CNTNAP2: variants seen among roughly 807,000 people sequenced by gnomAD.
CNTNAP2 encodes the protein contactin associated protein 2.
CNTNAP2 carries 98 observed loss-of-function variants against 155.2 expected under a neutral mutation model. The observed-to-expected ratio is 0.63, with a 90% confidence interval of 0.54 to 0.75. CNTNAP2 has a LOEUF of 0.75. Among genes scored for constraint, CNTNAP2 ranks in the 30% least tolerant of loss-of-function variants. CNTNAP2 has a pLI of 0.00. For synonymous variants in CNTNAP2, 651 were observed against 631.2 expected (o/e 1.03, Z -0.47); for missense variants, 1,727 against 1,688.1 (o/e 1.02, Z -0.40).
intron 1 of CNTNAP2, among the ~76,000 whole-genome samples, chr7:146,640,511 C>A (rs1011599934): frequency 5.3e-5 from 8 of 152,146 alleles, no homozygotes; most frequent in African/African-American, 1.9e-4. Flanking sequence ...AGAGTATGCT[C>A]TCTAAGTGGA....
At chr7:147,981,786 G>GGTATGTGTGTGTGTGTGT (rs1483366188) in intron 15 of CNTNAP2, among the ~76,000 whole-genome samples, 11 of 143,778 alleles carry the variant, frequency 7.7e-5, no homozygotes, top group African/African-American at 2.8e-4. Flanking sequence ...TGTCCTTACA[G>GGTATGTGTGTGTGTGTGT]GTGTGTGTGT....
intron 10 of CNTNAP2, among the ~76,000 whole-genome samples, chr7:147,445,247 T>C (rs1797713763): frequency 6.6e-6 from 1 of 152,240 alleles, no homozygotes; most frequent in African/African-American, 2.4e-5. Context: ...AAAGTTATTA[T>C]AACAGATGGT....
chr7:147,238,310 C>A (rs370953613), intron 8 of CNTNAP2, among the ~76,000 whole-genome samples: 1 of 152,090 alleles, frequency 6.6e-6, no homozygotes, highest in South Asian at 2.1e-4. Flanking sequence ...CCACCGTGCC[C>A]GGCCTCAAAT....
In CNTNAP2 at chr7:147,616,704, G is replaced by T. The variant is rs965482022; in HGVS notation, c.1898-22402G>T. Among the ~76,000 whole-genome samples, 5 of 151,924 alleles carry T rather than the reference G, an allele frequency of 3.3e-5. 1 individual carries two copies. The East Asian group carries it at 7.7e-4, about 24-fold the overall frequency. On this transcript the variant is annotated intron_variant, in intron 12 of 23. Coordinates refer to ENST00000361727, the MANE Select transcript of CNTNAP2 (RefSeq NM_014141.6). Reference sequence around the variant, plus strand: ...ACTTACCAAGCTTTTTTTCACAGAAGATATAAGTAAGTAAAATAAACGTGT... The same window carrying T: ...ACTTACCAAGCTTTTTTTCACAGAATATATAAGTAAGTAAAATAAACGTGT...
intron 3 of CNTNAP2, among the ~76,000 whole-genome samples, chr7:146,905,986 C>G (rs1014301644): frequency 3.3e-5 from 5 of 152,322 alleles, no homozygotes; most frequent in Non-Finnish European, 2.9e-5. Flanking sequence ...CATTGCCTCA[C>G]CTGGGAAGCG....
intron 1 of CNTNAP2, among the ~76,000 whole-genome samples, chr7:146,696,471 C>T (rs1476227598): frequency 2.6e-5 from 4 of 151,954 alleles, no homozygotes; most frequent in Admixed American, 6.6e-5. Flanking sequence ...TCAAAGAACA[C>T]TAGCTTTTGG....
At chr7:147,319,883 G>C (rs1795315553) in intron 9 of CNTNAP2, among the ~76,000 whole-genome samples, 1 of 152,108 alleles carries the variant, frequency 6.6e-6, no homozygotes, top group Non-Finnish European at 1.5e-5. Flanking sequence ...TCTATTTCAA[G>C]CATCAGCAAA....
chr7:146,505,819 G>A (rs1187461155), intron 1 of CNTNAP2, among the ~76,000 whole-genome samples: 3 of 152,198 alleles, frequency 2.0e-5, no homozygotes, highest in Non-Finnish European at 4.4e-5. Flanking sequence ...AAGTGGATGG[G>A]GTCAGTGGCA....
At chr7:146,696,607 C>T (rs1462075265) in intron 1 of CNTNAP2, among the ~76,000 whole-genome samples, 1 of 152,092 alleles carries the variant, frequency 6.6e-6, no homozygotes, top group Non-Finnish European at 1.5e-5. Flanking sequence ...CTTTCTAAAG[C>T]AGAAACTTTT....
At chr7:148,299,384 G>A (rs1797342056) in intron 21 of CNTNAP2, among the ~76,000 whole-genome samples, 1 of 152,248 alleles carries the variant, frequency 6.6e-6, no homozygotes, top group Non-Finnish European at 1.5e-5. Context: ...TGTTGCATCA[G>A]AAACTAGAGG....
intron 1 of CNTNAP2, among the ~76,000 whole-genome samples, chr7:146,222,568 G>C (rs1799223645): frequency 6.6e-6 from 1 of 151,752 alleles, no homozygotes; most frequent in Non-Finnish European, 1.5e-5. Flanking sequence ...GTGTGTGTGT[G>C]TGTGTGTGCG....
chr7:147,620,720 T>TA (rs1801377472), intron 12 of CNTNAP2, among the ~76,000 whole-genome samples: 1 of 151,868 alleles, frequency 6.6e-6, no homozygotes, highest in African/African-American at 2.4e-5. Context: ...TAATAATTTT[T>TA]AAAAATGAAG....
intron 13 of CNTNAP2, among the ~76,000 whole-genome samples, chr7:147,681,548 T>C (rs1795948143): frequency 6.6e-6 from 1 of 151,982 alleles, no homozygotes; most frequent in Non-Finnish European, 1.5e-5. Context: ...CTCTGGTTTA[T>C]CTTCCATCTT....
At chr7:146,921,966 A>G (rs1159586033) in intron 3 of CNTNAP2, among the ~76,000 whole-genome samples, 1 of 152,160 alleles carries the variant, frequency 6.6e-6, no homozygotes, top group Non-Finnish European at 1.5e-5. Flanking sequence ...TGGAGTAAAG[A>G]AAAACATCCG....
intron 1 of CNTNAP2, among the ~76,000 whole-genome samples, chr7:146,420,705 C>CTT (rs1157829753): frequency 6.6e-6 from 1 of 152,116 alleles, no homozygotes; most frequent in Admixed American, 6.6e-5. Flanking sequence ...CTAAAGCTGT[C>CTT]TGATTCATTT....
intron 1 of CNTNAP2, among the ~76,000 whole-genome samples, chr7:146,666,451 A>G (rs951046660): frequency 1.3e-5 from 2 of 152,198 alleles, no homozygotes; most frequent in Non-Finnish European, 2.9e-5. Context: ...ATAGTGCTGC[A>G]ATAGACATAG....
chr7:147,437,230 G>C (rs1797564703), intron 10 of CNTNAP2, among the ~76,000 whole-genome samples: 1 of 152,136 alleles, frequency 6.6e-6, no homozygotes, highest in Non-Finnish European at 1.5e-5. Flanking sequence ...ATGAAATAAA[G>C]AGGAGACAGT....
chr7:148,026,272 G>C (rs926521318), intron 15 of CNTNAP2, among the ~76,000 whole-genome samples: 1 of 151,922 alleles, frequency 6.6e-6, no homozygotes, highest in African/African-American at 2.4e-5. Context: ...AATATAGTGA[G>C]GCCTCGTCTC....
At chr7:146,701,437 G>T (rs989211282) in intron 1 of CNTNAP2, among the ~76,000 whole-genome samples, 1 of 152,082 alleles carries the variant, frequency 6.6e-6, no homozygotes, top group Non-Finnish European at 1.5e-5. Context: ...CTAAATATTT[G>T]GAATAGCATC....
Sources: allele counts gnomAD v4.1 joint callset (sites outside exome capture counted in the v4.1 genomes callset), GRCh38; gene constraint gnomAD v4.1.1; transcripts MANE v1.5; gene names NCBI Gene and HGNC (gene_info 2026-07-23, HGNC 2026-07-21).